ADAM23: variants seen among roughly 807,000 people sequenced by gnomAD.
ADAM23 encodes the protein disintegrin and metalloproteinase domain-containing protein 23.
ADAM23 carries 33 observed loss-of-function variants against 120.1 expected under a neutral mutation model. The observed-to-expected ratio is 0.27, with a 90% confidence interval of 0.21 to 0.37. The LOEUF (loss-of-function observed/expected upper bound fraction) is 0.37, where lower values mean the gene tolerates loss of function less well. Ranked by LOEUF, ADAM23 falls within the 10% of genes least tolerant of loss-of-function variation. The probability of loss-of-function intolerance (pLI) is 1.00; values close to 1 mark genes in which losing one functional copy is unlikely to be tolerated. For missense variants in ADAM23, 862 were observed against 1,058.2 expected, an observed-to-expected ratio of 0.81 and a Z score of 2.57; for synonymous variants, 367 against 375.2, an observed-to-expected ratio of 0.98 and a Z score of 0.25.
rs896541883 is a variant in ADAM23 at position 206,615,882 on chromosome 2, T to C, written c.2451-1697T>C. ...ATTTAAAAGTGGACTGCATTGCTGT[T>C]ACGACCTTGGACATGGCTACTTATC... On this transcript the variant is annotated intron_variant, in intron 25 of 25. Transcript: ENST00000264377. Among the ~76,000 whole-genome samples, 5 of 152,384 alleles carry C rather than the reference T, an allele frequency of 3.3e-5. No homozygotes were observed. In the South Asian group the frequency reaches 1.0e-3, roughly 32 times the overall value.
intron 4 of ADAM23, among the ~76,000 whole-genome samples, chr2:206,535,724 C>T (rs570524318): frequency 2.6e-5 from 4 of 152,194 alleles, no homozygotes; most frequent in South Asian, 2.1e-4. Flanking sequence ...ACATATGATA[C>T]GATTCTGTTT....
At position 206,447,244 on chromosome 2, in the gene ADAM23, A is replaced by T. The variant is rs1695100485; in HGVS notation, c.432+1720A>T. On this transcript the variant is annotated intron_variant, in intron 2 of 25. Coordinates refer to ENST00000264377, the MANE Select transcript of ADAM23 (RefSeq NM_003812.4). Reference sequence around the variant, plus strand: ...TTAAACCTGTACCCACCGCTTACCTAGAGGAATAGTTGGGTTTCTTTTATA... The same window carrying T: ...TTAAACCTGTACCCACCGCTTACCTTGAGGAATAGTTGGGTTTCTTTTATA... 2.6e-5 allele frequency among the ~76,000 whole-genome samples: 4 copies of T among 152,196 alleles called. No homozygotes were observed. The South Asian group carries it at 8.3e-4, about 31-fold the overall frequency.
At chr2:206,610,140 T>C (rs543072212) in intron 25 of ADAM23, 140 bp downstream of exon 25, 1 of 715,664 alleles carries the variant, frequency 1.4e-6, no homozygotes, top group South Asian at 2.4e-5. Flanking sequence ...TATTCAGAAA[T>C]GGGTTAGAAA....
chr2:206,538,267 T>C (rs796835022), intron 4 of ADAM23, among the ~76,000 whole-genome samples: 73 of 152,306 alleles, frequency 4.8e-4, no homozygotes, highest in African/African-American at 1.6e-3. Flanking sequence ...TCCAAAATTA[T>C]TGTTTTTTAT....
At chr2:206,610,042 T>C in intron 25 of ADAM23, 42 bp downstream of exon 25, 1 of 1,478,520 alleles carries the variant, frequency 6.8e-7, no homozygotes. Context: ...GCTCTGGCAT[T>C]TCTCTTTTCT....
intron 2 of ADAM23, among the ~76,000 whole-genome samples, chr2:206,469,837 C>T (rs1695617698): frequency 6.6e-6 from 1 of 152,168 alleles, no homozygotes; most frequent in Non-Finnish European, 1.5e-5. Flanking sequence ...ACTAGCTGTT[C>T]CCTCTGTCTG....
At chr2:206,496,273 T>G (rs1370322797) in intron 3 of ADAM23, among the ~76,000 whole-genome samples, 2 of 152,010 alleles carry the variant, frequency 1.3e-5, no homozygotes, top group Admixed American at 6.6e-5. Flanking sequence ...TCAGCAAATA[T>G]AAAAGAACAG....
At chr2:206,600,196 T>C (rs1000129084) in intron 24 of ADAM23, among the ~76,000 whole-genome samples, 1 of 152,132 alleles carries the variant, frequency 6.6e-6, no homozygotes, top group African/African-American at 2.4e-5. Flanking sequence ...AGTGAGACAC[T>C]GTCTCAGGAA....
intron 4 of ADAM23, among the ~76,000 whole-genome samples, chr2:206,535,171 A>G (rs1393418159): frequency 2.0e-5 from 3 of 152,168 alleles, no homozygotes; most frequent in Admixed American, 6.5e-5. Flanking sequence ...CCTCTCCTCC[A>G]GTATAGCTCT....
chr2:206,489,070 G>C (rs72933264), intron 3 of ADAM23, among the ~76,000 whole-genome samples: 8,979 of 152,268 alleles, frequency 0.059, 397 homozygotes, highest in Admixed American at 0.14. Context: ...TTGTAAGAAG[G>C]AACATGTGGA....
chr2:206,615,603 C>G (rs1173195756), intron 25 of ADAM23, among the ~76,000 whole-genome samples: 1 of 152,180 alleles, frequency 6.6e-6, no homozygotes, highest in Non-Finnish European at 1.5e-5. Flanking sequence ...TTTCCCCCTG[C>G]TGGGACATCA....
intron 4 of ADAM23, among the ~76,000 whole-genome samples, chr2:206,532,227 G>A (rs1175573217): frequency 6.6e-6 from 1 of 152,084 alleles, no homozygotes; most frequent in Non-Finnish European, 1.5e-5. Flanking sequence ...TGAGCCTGGA[G>A]TAGACAAGAT....
rs199639713 is a variant in ADAM23, at chr2:206,601,466, C to G, written c.2359+5304C>G. Among the ~76,000 whole-genome samples the G allele has an allele frequency of 8.5e-5, 13 of 152,248 alleles. No homozygotes were observed. In the East Asian group the frequency reaches 2.5e-3, roughly 29 times the overall value. The stretch of plus-strand genomic sequence containing the variant: ...AAATGCTTTTTTCTGTTATTCCATA[C>G]TCCTGTTTTGAAGTTGAATAGTGAG... On this transcript the variant is annotated intron_variant, in intron 24 of 25. Coordinates refer to ENST00000264377, the MANE Select transcript of ADAM23 (RefSeq NM_003812.4).
chr2:206,610,523 A>G (rs972464723), intron 25 of ADAM23, among the ~76,000 whole-genome samples: 2 of 152,230 alleles, frequency 1.3e-5, no homozygotes, highest in Non-Finnish European at 2.9e-5. Context: ...GTATTTGTAT[A>G]ATCCTCGACC....
intron 2 of ADAM23, among the ~76,000 whole-genome samples, chr2:206,469,365 A>G (rs1196531528): frequency 2.6e-5 from 4 of 152,136 alleles, no homozygotes; most frequent in African/African-American, 9.7e-5. Context: ...CTATTTCATT[A>G]TAATCCATGT....
intron 3 of ADAM23, among the ~76,000 whole-genome samples, chr2:206,505,908 G>A (rs1321241316): frequency 6.6e-6 from 1 of 152,162 alleles, no homozygotes; most frequent in Non-Finnish European, 1.5e-5. Flanking sequence ...AGCTGCAAGT[G>A]CAAAGGATAT....
At chr2:206,545,513 T>G (rs983571628) in intron 6 of ADAM23, among the ~76,000 whole-genome samples, 3 of 152,036 alleles carry the variant, frequency 2.0e-5, no homozygotes, top group African/African-American at 7.2e-5. Flanking sequence ...ATTAATTAAT[T>G]TTGAAACAGC....
At chr2:206,498,906 C>T (rs1276724298) in intron 3 of ADAM23, among the ~76,000 whole-genome samples, 1 of 152,176 alleles carries the variant, frequency 6.6e-6, no homozygotes, top group Non-Finnish European at 1.5e-5. Flanking sequence ...TGCTCATCAT[C>T]ACTGGCCATC....
chr2:206,508,523 G>A (rs1226188987), intron 3 of ADAM23, among the ~76,000 whole-genome samples: 1 of 151,908 alleles, frequency 6.6e-6, no homozygotes, highest in African/African-American at 2.4e-5. Flanking sequence ...GGGCGTGGTG[G>A]CTCACACCTG....
Sources: gnomAD v4.1 joint callset for allele counts (sites outside exome capture counted in the v4.1 genomes callset) on GRCh38, gnomAD v4.1.1 for gene constraint, MANE v1.5 for transcripts, NCBI Gene and HGNC (gene_info 2026-07-23, HGNC 2026-07-21) for gene names.